ASXL3: variants seen among roughly 807,000 people sequenced by gnomAD.
ASXL3 encodes ASXL transcriptional regulator 3.
Under a neutral mutation model 170.6 loss-of-function variants are expected in ASXL3, and 34 were observed. The observed-to-expected ratio is 0.20, with a 90% CI of 0.15 to 0.27. The LOEUF (loss-of-function observed/expected upper bound fraction) is 0.27. Among genes scored for constraint, ASXL3 ranks in the 10% least tolerant of loss-of-function variants. The pLI, the probability that ASXL3 is intolerant of heterozygous loss-of-function variation, is 1.00. For missense variants in ASXL3, 2,592 were observed against 2,695.3 expected, an observed-to-expected ratio of 0.96 and a Z score of 0.85; for synonymous variants, 1,002 against 989.1, an observed-to-expected ratio of 1.01 and a Z score of -0.24.
chr18:33,581,924 C>T (rs2064995905), intron 1 of ASXL3, among the ~76,000 whole-genome samples: 1 of 152,146 alleles, frequency 6.6e-6, no homozygotes, highest in East Asian at 1.9e-4. Context: ...AATACCACAT[C>T]TTTTTTTCCC....
chr18:33,642,576 T>C (rs993996220), intron 2 of ASXL3, among the ~76,000 whole-genome samples: 1 of 151,966 alleles, frequency 6.6e-6, no homozygotes, highest in Admixed American at 6.6e-5. Flanking sequence ...GAAAGATTTA[T>C]AGAAATTGCA....
At chr18:33,721,354 T>C (rs1265186835) in intron 8 of ASXL3, among the ~76,000 whole-genome samples, 2 of 152,018 alleles carry the variant, frequency 1.3e-5, no homozygotes, top group African/African-American at 4.8e-5. Context: ...AAAAATTCTA[T>C]TTGCAAAGGA....
At chr18:33,627,257 C>T (rs952508035) in intron 2 of ASXL3, among the ~76,000 whole-genome samples, 3 of 152,064 alleles carry the variant, frequency 2.0e-5, no homozygotes, top group East Asian at 1.9e-4. Flanking sequence ...AGATTGGTGT[C>T]GCTCACATAT....
chr18:33,587,437 C>G (rs941724381), intron 1 of ASXL3, among the ~76,000 whole-genome samples: 1 of 152,102 alleles, frequency 6.6e-6, no homozygotes, highest in African/African-American at 2.4e-5. Context: ...TTCTAAATTG[C>G]TTTTCACAGC....
At chr18:33,647,756 C>G (rs1406871336) in intron 4 of ASXL3, among the ~76,000 whole-genome samples, 1 of 152,000 alleles carries the variant, frequency 6.6e-6, no homozygotes, top group African/African-American at 2.4e-5. Flanking sequence ...GCAAATCTCT[C>G]ATGAAGCTTA....
Position 33,739,041 on chromosome 18 carries a change from C to G in ASXL3, c.1637C>G (p.Ser546Cys). Residue 546 changes from serine to cysteine, a missense_variant, in exon 11 of 12, where the codon TCC becomes TGC. Physicochemically the swap from Ser to Cys is moderately radical, Grantham distance 112. Around this residue, in one of 4 missense-constraint regions of ASXL3, gnomAD observed 2,246 missense variants for 2,219.6 expected, o/e 1.01. Transcript: ENST00000269197. ...GAAGTCTGTGACTCTCTTATTCCTT[C>G]CACTTCATCTATGACTCATGTCAGT... is the stretch of plus-strand genomic sequence containing the variant. ...QLEVCDSLIP[S>C]TSSMTHVSDT... The G allele has an allele frequency of 6.2e-7, 1 of 1,613,402 alleles. No individual in the cohort carries two copies. The highest frequency in any genetic ancestry group is 8.5e-7 in the Non-Finnish European group (1 of 1,179,642).
At chr18:33,626,247 A>G (rs554434288) in intron 2 of ASXL3, among the ~76,000 whole-genome samples, 6 of 152,256 alleles carry the variant, frequency 3.9e-5, no homozygotes, top group Admixed American at 6.5e-5. Flanking sequence ...ATTTTTATGT[A>G]TGATAGCTAT....
At chr18:33,728,244 A>G (rs1456871446) in intron 8 of ASXL3, among the ~76,000 whole-genome samples, 1 of 152,188 alleles carries the variant, frequency 6.6e-6, no homozygotes, top group Non-Finnish European at 1.5e-5. Context: ...ATAAAAGTTT[A>G]TAAGACAAAA....
At chr18:33,590,137 T>G (rs35769097) in intron 1 of ASXL3, among the ~76,000 whole-genome samples, 1 of 149,748 alleles carries the variant, frequency 6.7e-6, no homozygotes, top group Non-Finnish European at 1.5e-5. Flanking sequence ...TTTTGCTTTG[T>G]TTTTTTCTTG....
intron 3 of ASXL3, 151 bp from the exon 4 acceptor site, chr18:33,646,094 T>TTAC: frequency 4.3e-6 from 2 of 462,238 alleles, no homozygotes; most frequent in Non-Finnish European, 7.2e-6. Flanking sequence ...TTTTTTTTAA[T>TTAC]GGAAGAATGA....
At chr18:33,726,781 C>T (rs7234013) in intron 8 of ASXL3, among the ~76,000 whole-genome samples, 8,744 of 152,152 alleles carry the variant, frequency 0.057, 391 homozygotes, top group African/African-American at 0.13. Context: ...TTCTTTGGAC[C>T]AACACCCTCC....
chr18:33,616,956 T>A (rs556861684), intron 2 of ASXL3, among the ~76,000 whole-genome samples: 1 of 152,314 alleles, frequency 6.6e-6, no homozygotes, highest in Admixed American at 6.5e-5. Context: ...AAGGTTTCAA[T>A]GTATGAATTT....
intron 1 of ASXL3, among the ~76,000 whole-genome samples, chr18:33,602,180 T>C (rs2065190526): frequency 6.6e-6 from 1 of 151,950 alleles, no homozygotes; most frequent in Non-Finnish European, 1.5e-5. Context: ...ATCTAACTAA[T>C]GCCTAATTAT....
intron 4 of ASXL3, 64 bp downstream of exon 4, chr18:33,646,417 G>T: frequency 2.6e-6 from 3 of 1,173,600 alleles, no homozygotes; most frequent in South Asian, 1.5e-5. Flanking sequence ...GAATGCCAAT[G>T]ATTCATTAAT....
Position 33,745,764 on chromosome 18 carries a change from G to T in ASXL3, c.5916G>T (p.Leu1972Phe), listed in dbSNP as rs1170131766. ...ACAGGCATCTTGAACAGAAGGGATT[G>T]GGAGAGGTTAGTCTTTCCTCAGCAC... Reference protein sequence around the residue: ...AFNRHLEQKGLGEVSLSSAPH... With the variant: ...AFNRHLEQKGFGEVSLSSAPH... The change falls in exon 12 of 12, where the codon TTG becomes TTT. Residue 1972 changes from leucine to phenylalanine, a missense_variant. Coordinates refer to ENST00000269197, the MANE Select transcript of ASXL3 (RefSeq NM_030632.3). The T allele has an allele frequency of 6.2e-7, 1 of 1,613,990 alleles. No homozygotes were observed. Among genetic ancestry groups the T allele is most frequent in the South Asian group, 1.1e-5 (1 of 91,084 alleles).
At chr18:33,693,718 C>A (rs970803460) in intron 8 of ASXL3, among the ~76,000 whole-genome samples, 20 of 152,016 alleles carry the variant, frequency 1.3e-4, no homozygotes, top group African/African-American at 4.6e-4. Context: ...TGTTTTTCAC[C>A]CCAGCAATGC....
chr18:33,578,701 C>G lies in ASXL3; in HGVS notation c.54+16C>G, dbSNP rs539090260. 9 of 1,251,776 alleles carry G rather than the reference C, an allele frequency of 7.2e-6. No homozygotes were observed. In the African/African-American group the frequency reaches 7.9e-5, roughly 11 times the overall value. The allele number at this position is 1,251,776 out of a possible 1,614,324, so 77.5% of individuals were successfully genotyped here. ...TGCCCGCCTGGTACGTACCGCCCCC[C>G]ACACGCCGCCCGCGCCTCCCGCCGG... On this transcript the variant is annotated intron_variant, in intron 1 of 11. Coordinates refer to ENST00000269197, the MANE Select transcript of ASXL3 (RefSeq NM_030632.3).
intron 8 of ASXL3, among the ~76,000 whole-genome samples, chr18:33,713,273 T>G (rs1453309668): frequency 8.4e-6 from 1 of 118,984 alleles, no homozygotes; most frequent in Non-Finnish European, 1.7e-5. Flanking sequence ...TTTTTTTTTT[T>G]TGAGACAGGG....
chr18:33,716,469 G>C (rs2067167256), intron 8 of ASXL3, among the ~76,000 whole-genome samples: 1 of 152,156 alleles, frequency 6.6e-6, no homozygotes, highest in Admixed American at 6.5e-5. Flanking sequence ...AAACAAGGAA[G>C]TAAAAGCATG....
Sources: gnomAD v4.1 joint callset for allele counts (sites outside exome capture counted in the v4.1 genomes callset) on GRCh38, gnomAD v4.1.1 for gene constraint, gnomAD v4.1.1 regional missense constraint, MANE v1.5 for transcripts, NCBI Gene and HGNC (gene_info 2026-07-23, HGNC 2026-07-21) for gene names.